The following MOB3C variants were observed in gnomAD, a reference collection of about 807,000 sequenced individuals.
MOB3C encodes the protein MOB kinase activator 3C, also known as MOB1, Mps One Binder kinase activator-like 2C.
MOB3C carries 17 observed loss-of-function variants against 19.8 expected under a neutral mutation model. The observed-to-expected ratio is 0.86, with a 90% confidence interval of 0.59 to 1.29. The LOEUF is 1.29. Among genes scored for constraint, MOB3C ranks in the 50% most tolerant of loss-of-function variants. The pLI, the probability that MOB3C is intolerant of heterozygous loss-of-function variation, is 0.00. For synonymous variants in MOB3C, 101 were observed against 119.2 expected, an observed-to-expected ratio of 0.85 and a Z score of 0.99; for missense variants, 291 against 301.9, an observed-to-expected ratio of 0.96 and a Z score of 0.27.
Position 46,613,033 on chromosome 1 carries a change from C to T in MOB3C, c.289G>A (p.Glu97Lys), listed in dbSNP as rs141351633. Residue 97 changes from glutamate (E) to lysine (K), a missense_variant, in exon 2 of 4, where the codon GAG (glutamate) becomes AAG (lysine). Coordinates refer to ENST00000319928, the MANE Select transcript of MOB3C (RefSeq NM_201403.3). ...CPVMAGGPRY[E>K]YRWQDERQYR... ...TGGCGCTCGTCCTGCCAGCGGTACT[C>T]GTAGCGGGGCCCGCCGGCCATGACC... The T allele has an allele frequency of 2.5e-6, 4 of 1,613,976 alleles. No homozygotes were observed. The highest frequency in any genetic ancestry group is 3.4e-6 in the Non-Finnish European group (4 of 1,179,952).
At position 46,611,252 on chromosome 1, in the gene MOB3C, G is replaced by T. The variant is rs1170330202; in HGVS notation, c.419-1048C>A. On this transcript the variant is annotated intron_variant, in intron 2 of 3. Coordinates refer to ENST00000319928, the MANE Select transcript of MOB3C (RefSeq NM_201403.3). This position sits in a 1 kb window ranked among gnomAD's most constrained non-coding sequence, Gnocchi z 4.1. ...CCTGATGTGTCTGATTGTCACTTTA[G>T]ATATGATAAAACAGAAGTGCTTATA... 6.6e-6 allele frequency among the ~76,000 whole-genome samples: 1 copy of T among 152,178 alleles called. No homozygotes were observed. Among genetic ancestry groups the T allele is most frequent in the Admixed American group, 6.5e-5 (1 of 15,276 alleles).
intron 3 of MOB3C, 79 bp from the exon 4 acceptor site, chr1:46,609,763 C>G (rs1206107314): frequency 2.2e-5 from 34 of 1,570,962 alleles, no homozygotes; most frequent in Non-Finnish European, 2.6e-5. Flanking sequence ...TAGGGCCTAG[C>G]TGCTCTTCTG....
chr1:46,610,293 T>C, intron 2 of MOB3C, 89 bp from the exon 3 acceptor site: 4 of 1,254,218 alleles, frequency 3.2e-6, no homozygotes, highest in East Asian at 2.4e-5. Context: ...GCAACCAGGA[T>C]GGCTTTTTCC....
rs1242445973 is a variant in MOB3C at position 46,613,266 on chromosome 1, T to A, written c.56A>T (p.Lys19Met). 1 of 1,613,274 alleles carries A rather than the reference T, an allele frequency of 6.2e-7. No individual in the cohort carries two copies. The highest frequency in any genetic ancestry group is 1.1e-5 in the South Asian group (1 of 91,090). The change falls in exon 2 of 4, where the codon AAG (lysine) becomes ATG (methionine). Residue 19 changes from lysine (K) to methionine (M), a missense_variant. Physicochemically the swap from Lys to Met is moderately conservative, Grantham distance 95. Coordinates refer to ENST00000319928, the MANE Select transcript of MOB3C (RefSeq NM_201403.3). ...FAKDKTFRPR[K>M]RFEPGTQRFE... is the part of the protein sequence containing the mutation. ...GCGCTGTGTGCCCGGCTCAAAGCGC[T>A]TCCGCGGCCGGAACGTCTTGTCCTT...
At chr1:46,616,624 G>T (rs1675566504) in intron 1 of MOB3C, 87 bp downstream of exon 1, 1 of 152,414 alleles carries the variant, frequency 6.6e-6, no homozygotes, top group East Asian at 1.9e-4. Context: ...TCCGGACTGT[G>T]CCACGCCAGG....
rs1181246151 is a variant in MOB3C at position 46,609,564 on chromosome 1, T to A, written c.*91A>T. The A allele has an allele frequency of 6.6e-7, 1 of 1,520,982 alleles. No individual in the cohort carries two copies. The highest frequency in any genetic ancestry group is 1.9e-4 in the Middle Eastern group (1 of 5,248). The allele number at this position is 1,520,982 out of a possible 1,614,324, so 94.2% of individuals were successfully genotyped here. On this transcript the variant is annotated 3_prime_UTR_variant, in exon 4 of 4. Coordinates refer to ENST00000319928, the MANE Select transcript of MOB3C (RefSeq NM_201403.3). ...GGTGTGTGGAGTGATTCCAGTGCCT[T>A]CAGATTCCTTCAGGCTCCTGGGGGT...
At position 46,610,120 on chromosome 1, in the gene MOB3C, T is replaced by C; in HGVS notation, c.503A>G (p.His168Arg). ...LFRVFVHVYI[H>R]HFDSILSMGA... The stretch of plus-strand genomic sequence containing the variant: ...CATGCTGAGGATGCTATCGAAGTGG[T>C]GGATGTAGACATGGACAAAGACTCG... Residue 168 changes from histidine (H) to arginine (R), a missense_variant, in exon 3 of 4, where the codon CAC becomes CGC. Transcript: ENST00000319928. 6.2e-7 allele frequency: 1 copy of C among 1,614,130 alleles called. No homozygotes were observed. Among genetic ancestry groups the C allele is most frequent in the Non-Finnish European group, 8.5e-7 (1 of 1,180,034 alleles).
intron 1 of MOB3C, chr1:46,614,866 C>T: frequency 2.4e-6 from 2 of 837,462 alleles, no homozygotes; most frequent in East Asian, 2.6e-5. Flanking sequence ...CTTCCTTGAA[C>T]CCACAAAGGC....
At chr1:46,614,887 G>A (rs1675534780) in intron 1 of MOB3C, 1 of 1,056,384 alleles carries the variant, frequency 9.5e-7, no homozygotes, top group African/African-American at 1.6e-5. Flanking sequence ...AGGCCAGGAT[G>A]GGGGCAGTCT....
rs556876318 is a variant in MOB3C, at chr1:46,610,549, A to G, written c.419-345T>C. On this transcript the variant is annotated intron_variant, in intron 2 of 3. Transcript: ENST00000319928. ...CAGACATGTGCCATCATGCCCAGCT[A>G]ATTTTGTATTTTTAGTAGAGACAGG... Among the ~76,000 whole-genome samples the G allele has an allele frequency of 3.3e-5, 5 of 152,186 alleles. No individual in the cohort carries two copies. The South Asian group carries it at 6.2e-4, about 19-fold the overall frequency.
Position 46,609,829 on chromosome 1 carries a change from G to A in MOB3C, c.622-145C>T. ...ACTCTTAGGCTGCAGATCTGGGTTT[G>A]TAAACCAACACTTGAATGAATTCTC... On this transcript the variant is annotated intron_variant, in intron 3 of 3. Coordinates refer to ENST00000319928, the MANE Select transcript of MOB3C (RefSeq NM_201403.3). The A allele has an allele frequency of 5.3e-6, 7 of 1,321,150 alleles. No individual in the cohort carries two copies. The South Asian group carries it at 8.3e-5, about 16-fold the overall frequency. 81.8% of individuals were successfully genotyped at this position (1,321,150 alleles called of 1,614,324 possible).
intron 1 of MOB3C, 108 bp downstream of exon 1, chr1:46,616,603 C>G (rs1390178392): frequency 6.6e-6 from 1 of 151,110 alleles, no homozygotes; most frequent in African/African-American, 2.4e-5. Flanking sequence ...TGCCTTCGGG[C>G]GGGACTCTCC....
At chr1:46,612,378 C>T (rs572575664) in intron 2 of MOB3C, among the ~76,000 whole-genome samples, 1 of 152,272 alleles carries the variant, frequency 6.6e-6, no homozygotes, top group Admixed American at 6.5e-5. Context: ...TGTGGTCTTG[C>T]CAGAGTGGTC....
At chr1:46,615,266 C>A in intron 1 of MOB3C, 1 of 564,022 alleles carries the variant, frequency 1.8e-6, no homozygotes, top group South Asian at 2.4e-5. Context: ...CCACACCAAC[C>A]ACCCTGGGCT....
chr1:46,609,669 GCT>G lies in MOB3C; in HGVS notation c.635_636del (p.Glu212AlafsTer61). On this transcript the variant is annotated frameshift_variant, in exon 4 of 4. Coordinates refer to ENST00000319928, the MANE Select transcript of MOB3C (RefSeq NM_201403.3). LOFTEE classifies it high-confidence loss of function. ...RELEPLREMT[E>X]RICH ...CAGACCTGGGCTCAGTGGCAGATCC[GCT>G]CTGTCATCTCCCTCTGTAGAGACAC... 4.3e-6 allele frequency: 7 copies of G among 1,614,052 alleles called. No individual in the cohort carries two copies. Among genetic ancestry groups the G allele is most frequent in the Non-Finnish European group, 5.9e-6 (7 of 1,179,976 alleles).
chr1:46,609,802 C>T (rs1675430904), intron 3 of MOB3C, 118 bp from the exon 4 acceptor site: 1 of 1,416,696 alleles, frequency 7.1e-7, no homozygotes, highest in Non-Finnish European at 9.7e-7. Flanking sequence ...CCAGCAACCC[C>T]AACTCTTAGG....
chr1:46,609,821 C>T (rs1675431636), intron 3 of MOB3C, 137 bp from the exon 4 acceptor site: 2 of 1,347,566 alleles, frequency 1.5e-6, no homozygotes, highest in Admixed American at 4.3e-5. Context: ...GGCTGCAGAT[C>T]TGGGTTTGTA....
chr1:46,610,199 G>A lies in MOB3C; in HGVS notation c.424C>T (p.Pro142Ser), dbSNP rs1436773883. 2 of 1,613,960 alleles carry A rather than the reference G, an allele frequency of 1.2e-6. No individual in the cohort carries two copies. The highest frequency in any genetic ancestry group is 1.7e-6 in the Non-Finnish European group (2 of 1,179,974). Residue 142 changes from proline (P) to serine (S), a missense_variant, in exon 3 of 4, where the codon CCC (proline) becomes TCC (serine). Physicochemically the swap from Pro to Ser is moderately conservative, Grantham distance 74. Transcript: ENST00000319928. ...EEVFPTRVGVPFPKNFQQVCT... is the reference protein window; with the variant it reads ...EEVFPTRVGVSFPKNFQQVCT... The stretch of plus-strand genomic sequence containing the variant: ...ACCTGCTGGAAGTTCTTAGGGAAGG[G>A]AACTCCTAGAGGGCAGGGGAGGGCA...
At chr1:46,614,901 A>G in intron 1 of MOB3C, 1 of 1,255,724 alleles carries the variant, frequency 8.0e-7, no homozygotes, top group Non-Finnish European at 1.2e-6. Flanking sequence ...GCAGTCTGGT[A>G]AAATGAGAGC....
Sources: allele counts gnomAD v4.1 joint callset (sites outside exome capture counted in the v4.1 genomes callset), GRCh38; gene constraint gnomAD v4.1.1; non-coding constraint Gnocchi (gnomAD v3.1); transcripts MANE v1.5; gene names NCBI Gene and HGNC (gene_info 2026-07-23, HGNC 2026-07-21).